UHMK1: variants seen among roughly 807,000 people sequenced by gnomAD.
The protein encoded by UHMK1 is serine/threonine-protein kinase Kist.
In UHMK1, 18 loss-of-function variants were observed where a neutral mutation model predicts 44.0. That is an observed-to-expected ratio of 0.41 (90% CI 0.28 to 0.61). The LOEUF (loss-of-function observed/expected upper bound fraction) is 0.61, where lower values mean the gene tolerates loss of function less well. Among genes scored for constraint, UHMK1 ranks in the 20% least tolerant of loss-of-function variants. The probability of loss-of-function intolerance (pLI) is 0.31; values close to 1 mark genes in which losing one functional copy is unlikely to be tolerated. For missense variants in UHMK1, 463 were observed against 522.5 expected, an observed-to-expected ratio of 0.89 and a Z score of 1.11; for synonymous variants, 231 against 198.5, an observed-to-expected ratio of 1.16 and a Z score of -1.38.
At chr1:162,497,292 G>C, upstream of UHMK1, 1 of 702,778 alleles carries the variant, frequency 1.4e-6, no homozygotes, top group Non-Finnish European at 2.6e-6. Flanking sequence ...ACCTTAACCG[G>C]AGAGGTATGA....
intron 3 of UHMK1, among the ~76,000 whole-genome samples, chr1:162,502,431 G>A (rs995042967): frequency 6.6e-6 from 1 of 152,136 alleles, no homozygotes; most frequent in Non-Finnish European, 1.5e-5. Context: ...GCTTTCTTGG[G>A]AGTAAAATCA....
At chr1:162,497,714 C>G, upstream of UHMK1, 1 of 1,081,550 alleles carries the variant, frequency 9.2e-7, no homozygotes, top group South Asian at 3.2e-5. Flanking sequence ...ATTCTCGGTT[C>G]TTTTTTCCAA....
upstream of UHMK1, chr1:162,497,720 T>C (rs966202987): frequency 2.2e-4 from 248 of 1,133,890 alleles, no homozygotes; most frequent in Non-Finnish European, 2.7e-4. Context: ...GGTTCTTTTT[T>C]CCAAACCTAG....
chr1:162,497,279 T>C (rs1184852039), upstream of UHMK1: 1 of 702,784 alleles, frequency 1.4e-6, no homozygotes, highest in Non-Finnish European at 2.6e-6. Flanking sequence ...AAGGTCTGTG[T>C]TGACCTTAAC....
intron 1 of UHMK1, among the ~76,000 whole-genome samples, chr1:162,499,706 A>G (rs1651197847): frequency 1.3e-5 from 2 of 152,204 alleles, no homozygotes. Context: ...GTGAAACACA[A>G]ATTGAATAAT....
intron 4 of UHMK1, among the ~76,000 whole-genome samples, chr1:162,509,929 G>T (rs1418896181): frequency 6.6e-6 from 1 of 151,878 alleles, no homozygotes; most frequent in Non-Finnish European, 1.5e-5. Context: ...ACAGGCGTGA[G>T]CCACCACGCC....
At chr1:162,505,317 A>G in intron 4 of UHMK1, among the ~76,000 whole-genome samples, 1 of 152,192 alleles carries the variant, frequency 6.6e-6, no homozygotes, top group East Asian at 1.9e-4. Context: ...CTCCTATGTT[A>G]ACAATGCCTT....
rs1022040755 is a variant in UHMK1, at chr1:162,517,247, C to T, written c.1025-855C>T. Among the ~76,000 whole-genome samples the T allele has an allele frequency of 1.1e-4, 16 of 152,020 alleles. 1 individual carries two copies. Among genetic ancestry groups the T allele is most frequent in the Admixed American group, 2.6e-4 (4 of 15,262 alleles). Reference sequence around the variant, plus strand: ...CCGGGAGGTGGAGGTTGCAGTGAGCCGAGATCGTGCCACTACACTCCAGCC... The same window carrying T: ...CCGGGAGGTGGAGGTTGCAGTGAGCTGAGATCGTGCCACTACACTCCAGCC... On this transcript the variant is annotated intron_variant, in intron 6 of 7. Coordinates refer to ENST00000489294, the MANE Select transcript of UHMK1 (RefSeq NM_175866.5).
intron 6 of UHMK1, among the ~76,000 whole-genome samples, chr1:162,514,062 G>A (rs572931904): frequency 1.5e-3 from 223 of 152,300 alleles, no homozygotes; most frequent in Non-Finnish European, 2.6e-3. Context: ...CAGTTGTGAA[G>A]CATTTGCATC....
chr1:162,511,337 T>A (rs1651663486), intron 4 of UHMK1, among the ~76,000 whole-genome samples: 1 of 126,134 alleles, frequency 7.9e-6, no homozygotes, highest in African/African-American at 3.0e-5. Flanking sequence ...AGCTAATTTT[T>A]AAATTTTTTT....
rs1379376048 is a variant in UHMK1, at chr1:162,497,898, C to T, written c.-103C>T. On this transcript the variant is annotated 5_prime_UTR_variant, in exon 1 of 8. Coordinates refer to ENST00000489294, the MANE Select transcript of UHMK1 (RefSeq NM_175866.5). ...CGGTGAGGCGGCTGCAGGTCCCTCC[C>T]TGCGGAGCCGCTGGTCCGGCTGGCG... is the stretch of plus-strand genomic sequence containing the variant. 9 of 1,426,010 alleles carry T rather than the reference C, an allele frequency of 6.3e-6. No individual in the cohort carries two copies. In the African/African-American group the frequency reaches 1.0e-4, roughly 17 times the overall value. The allele number at this position is 1,426,010 out of a possible 1,614,324, so 88.3% of individuals were successfully genotyped here.
At chr1:162,497,760 T>G (rs990625199), upstream of UHMK1, 1,163 of 1,152,116 alleles carry the variant, frequency 1.0e-3, 1 homozygote, top group Non-Finnish European at 1.2e-3. Flanking sequence ...GCCCCGCCCC[T>G]TCTGAGCCCC....
Position 162,522,267 on chromosome 1 carries a change from G to T in UHMK1, c.1114-137G>T, listed in dbSNP as rs114712898. 1.7e-5 allele frequency: 15 copies of T among 887,840 alleles called. No homozygotes were observed. In the East Asian group the frequency reaches 3.7e-4, roughly 22 times the overall value. The allele number at this position is 887,840 out of a possible 1,614,324, so 55.0% of individuals were successfully genotyped here. ...GTTTGTTTAGAACAGAAACTCAGGC[G>T]ACATCTCAGACCTAAGGAAGCAAAA... is the stretch of plus-strand genomic sequence containing the variant. On this transcript the variant is annotated intron_variant, in intron 7 of 7. Coordinates refer to ENST00000489294, the MANE Select transcript of UHMK1 (RefSeq NM_175866.5).
In UHMK1 at chr1:162,518,204, T is replaced by C. The variant is rs767289902; in HGVS notation, c.1113+14T>C. ...GGCAGAGGACAAGTAAGTGAATATT[T>C]TCATAATTGCAGATTACTCAGAGGT... is the stretch of plus-strand genomic sequence containing the variant. On this transcript the variant is annotated intron_variant, in intron 7 of 7. Coordinates refer to ENST00000489294, the MANE Select transcript of UHMK1 (RefSeq NM_175866.5). 9.6e-6 allele frequency: 15 copies of C among 1,563,640 alleles called. No homozygotes were observed. In the South Asian group the frequency reaches 1.4e-4, roughly 15 times the overall value.
chr1:162,506,163 G>A (rs1651459397), intron 4 of UHMK1, among the ~76,000 whole-genome samples: 1 of 149,698 alleles, frequency 6.7e-6, no homozygotes, highest in Non-Finnish European at 1.5e-5. Context: ...TAGCCTGGAA[G>A]TTAAATTTTC....
intron 1 of UHMK1, 79 bp from the exon 2 acceptor site, chr1:162,499,876 A>T: frequency 7.3e-7 from 1 of 1,372,686 alleles, no homozygotes; most frequent in Non-Finnish European, 1.0e-6. Flanking sequence ...GACTATCTCA[A>T]ATTTGTACTG....
chr1:162,517,023 G>T (rs1651858766), intron 6 of UHMK1, among the ~76,000 whole-genome samples: 1 of 152,248 alleles, frequency 6.6e-6, no homozygotes, highest in South Asian at 2.1e-4. Context: ...GTGAGGCTGG[G>T]CGCAGTGGCT....
At chr1:162,501,943 A>G (rs1651283608) in intron 3 of UHMK1, among the ~76,000 whole-genome samples, 1 of 151,658 alleles carries the variant, frequency 6.6e-6, no homozygotes, top group African/African-American at 2.4e-5. Flanking sequence ...AAAAAAAAAA[A>G]AATTATAAAA....
rs1652315333 is a variant in UHMK1, at chr1:162,528,226, A to C, written c.*5676A>C. On this transcript the variant is annotated 3_prime_UTR_variant, in exon 8 of 8. Transcript: ENST00000489294. ...TAGCTTGGGTTGTCAGAAGATTGCC[A>C]ATTTTAAGAGTAAAGAGGAGAGAGA... 1 of 152,046 alleles carries C rather than the reference A, an allele frequency of 6.6e-6. No homozygotes were observed. The highest frequency in any genetic ancestry group is 2.1e-4 in the South Asian group (1 of 4,830). 9.4% of individuals were successfully genotyped at this position (152,046 alleles called of 1,614,324 possible). A position where few individuals can be genotyped will look rare whatever the true frequency, so the allele number is the denominator to read the frequency against.
Sources: allele counts gnomAD v4.1 joint callset (sites outside exome capture counted in the v4.1 genomes callset), GRCh38; gene constraint gnomAD v4.1.1; transcripts MANE v1.5; gene names NCBI Gene and HGNC (gene_info 2026-07-23, HGNC 2026-07-21).